ANXA7: variants seen among roughly 807,000 people sequenced by gnomAD.
ANXA7 encodes the protein annexin A7.
Under a neutral mutation model 64.9 loss-of-function variants are expected in ANXA7, and 55 were observed. The ratio of observed to expected loss-of-function variants is 0.85; its 90% CI spans 0.68 to 1.06. The LOEUF is 1.06. Among genes scored for constraint, ANXA7 ranks in the 50% least tolerant of loss-of-function variants. ANXA7 has a pLI of 0.00. For missense variants in ANXA7, 548 were observed against 582.1 expected (o/e 0.94, Z 0.60); for synonymous variants, 200 against 192.4 (o/e 1.04, Z -0.33).
chr10:73,394,957 T>C (rs1383705899), intron 5 of ANXA7, among the ~76,000 whole-genome samples: 1 of 152,254 alleles, frequency 6.6e-6, no homozygotes, highest in Non-Finnish European at 1.5e-5. Context: ...AAATGATTTC[T>C]CTAAAATTAT....
At chr10:73,399,211 G>A (rs959258850) in intron 2 of ANXA7, among the ~76,000 whole-genome samples, 4 of 152,032 alleles carry the variant, frequency 2.6e-5, no homozygotes, top group African/African-American at 9.7e-5. Context: ...ACAAAGCCTC[G>A]TCCCACCCAC....
At chr10:73,379,837 T>A in intron 11 of ANXA7, 42 bp downstream of exon 11, 1 of 1,558,016 alleles carries the variant, frequency 6.4e-7, no homozygotes, top group Non-Finnish European at 8.8e-7. Context: ...AAGCTCCCAC[T>A]CATTTAAAAA....
intron 2 of ANXA7, among the ~76,000 whole-genome samples, chr10:73,399,994 T>C (rs1308839570): frequency 4.6e-5 from 7 of 150,870 alleles, no homozygotes; most frequent in East Asian, 1.9e-4. Context: ...ATACAAAAAA[T>C]CAGCCAGGCA....
At chr10:73,387,559 T>C in intron 7 of ANXA7, 130 bp downstream of exon 7, 3 of 715,918 alleles carry the variant, frequency 4.2e-6, no homozygotes, top group East Asian at 2.7e-5. Flanking sequence ...TACAGTACCC[T>C]TGAGGTCTCT....
At position 73,398,177 on chromosome 10, in the gene ANXA7, T is replaced by A; in HGVS notation, c.259+4A>T. 1 of 1,606,526 alleles carries A rather than the reference T, an allele frequency of 6.2e-7. No individual in the cohort carries two copies. Among genetic ancestry groups the A allele is most frequent in the Non-Finnish European group, 8.5e-7 (1 of 1,174,870 alleles). The stretch of plus-strand genomic sequence containing the variant: ...CATTACTAATTCCGCAACCCGTAAC[T>A]CACCTCCGGGATAGGATGGAGCTCC... On this transcript the variant is annotated splice_donor_region_variant and intron_variant, in intron 3 of 12. Transcript: ENST00000372921.
At chr10:73,407,142 T>C (rs2055770217) in intron 1 of ANXA7, among the ~76,000 whole-genome samples, 2 of 152,114 alleles carry the variant, frequency 1.3e-5, no homozygotes, top group South Asian at 2.1e-4. Context: ...AGTGGCACAA[T>C]CTCGGGTCAC....
At chr10:73,378,140 C>T (rs1212196367) in intron 12 of ANXA7, among the ~76,000 whole-genome samples, 1 of 151,384 alleles carries the variant, frequency 6.6e-6, no homozygotes, top group Non-Finnish European at 1.5e-5. Flanking sequence ...TTTGGGAGGC[C>T]GAGGCAGGTG....
intron 7 of ANXA7, 127 bp downstream of exon 7, chr10:73,387,562 A>C: frequency 5.5e-6 from 4 of 729,170 alleles, no homozygotes. Flanking sequence ...AGTACCCTTG[A>C]GGTCTCTAAA....
At position 73,378,965 on chromosome 10, in the gene ANXA7, T is replaced by C. The variant is rs1345729898; in HGVS notation, c.1224A>G (p.Lys408=). Residue 408 remains lysine (K), a synonymous_variant, in exon 12 of 13, where the codon AAA becomes AAG. Transcript: ENST00000372921. ...FFAERLYYAM[K]GAGTDDSTLV... ...GGGTGGAGTCATCTGTGCCAGCACC[T>C]TTCATAGCATAGTAGAGCCTCTCAG... 2.5e-6 allele frequency: 4 copies of C among 1,613,560 alleles called. No individual in the cohort carries two copies. Among genetic ancestry groups the C allele is most frequent in the African/African-American group, 1.3e-5 (1 of 74,910 alleles).
chr10:73,398,321 G>A lies in ANXA7; in HGVS notation c.119C>T (p.Pro40Leu). 2 of 1,614,108 alleles carry A rather than the reference G, an allele frequency of 1.2e-6. No individual in the cohort carries two copies. The highest frequency in any genetic ancestry group is 2.2e-5 in the East Asian group (1 of 44,878). The change falls in exon 3 of 13, where the codon CCA (proline) becomes CTA (leucine). Residue 40 changes from proline (P) to leucine (L), a missense_variant. Physicochemically the swap from Pro to Leu is moderately conservative, Grantham distance 98 (BLOSUM62 -3). Coordinates refer to ENST00000372921, the MANE Select transcript of ANXA7 (RefSeq NM_001156.5). ...GQYPYPSGFP[P>L]MGGGAYPQVP... ...TTGTGGGTAGGCACCTCCTCCCATT[G>A]GAGGAAAGCCACTAGGATAAGGATA...
intron 6 of ANXA7, 75 bp downstream of exon 6, chr10:73,388,237 T>A: frequency 9.0e-7 from 1 of 1,108,530 alleles, no homozygotes. Flanking sequence ...CTTGGGTTTA[T>A]GAGATAAGGT....
In ANXA7 at chr10:73,376,141, G is replaced by A. The variant is rs150742908; in HGVS notation, c.1355C>T (p.Thr452Met). 7.3e-4 allele frequency: 1,170 copies of A among 1,603,844 alleles called. No individual in the cohort carries two copies. Among genetic ancestry groups the A allele is most frequent in the Non-Finnish European group, 8.9e-4 (1,047 of 1,175,526 alleles). The change falls in exon 13 of 13, where the codon ACG (threonine) becomes ATG (methionine). Residue 452 changes from threonine to methionine, a missense_variant. Physicochemically the swap from Thr to Met is moderately conservative, Grantham distance 81. Transcript: ENST00000372921. The stretch of plus-strand genomic sequence containing the variant: ...AAGAAGTCTTCGGTAATCTCCACTC[G>A]TGTCACCTGCAATCATTGTGCCCAG... ...KTLGTMIAGD[T>M]SGDYRRLLLA...
chr10:73,383,144 A>G lies in ANXA7; in HGVS notation c.918+31T>C, dbSNP rs540531973. 25 of 1,559,598 alleles carry G rather than the reference A, an allele frequency of 1.6e-5. No individual in the cohort carries two copies. The East Asian group carries it at 3.2e-4, about 20-fold the overall frequency. On this transcript the variant is annotated intron_variant, in intron 9 of 12. Coordinates refer to ENST00000372921, the MANE Select transcript of ANXA7 (RefSeq NM_001156.5). ...AAGGCTTTTAAAGTATGTTCCCTCTATCAACGCACAAGCATTCATACTATA... is the reference window on the plus strand; with the variant it reads ...AAGGCTTTTAAAGTATGTTCCCTCTGTCAACGCACAAGCATTCATACTATA...
chr10:73,404,821 G>A (rs1024631838), intron 1 of ANXA7, among the ~76,000 whole-genome samples: 6 of 151,972 alleles, frequency 3.9e-5, no homozygotes. Context: ...CTCTTAGCCT[G>A]ATCAAATCTA....
At chr10:73,379,521 T>C (rs1383861246) in intron 11 of ANXA7, among the ~76,000 whole-genome samples, 1 of 152,178 alleles carries the variant, frequency 6.6e-6, no homozygotes, top group Non-Finnish European at 1.5e-5. Context: ...TGCTTCGTGG[T>C]GACACTGTGA....
intron 1 of ANXA7, among the ~76,000 whole-genome samples, chr10:73,405,052 G>A (rs990883828): frequency 2.6e-5 from 4 of 151,902 alleles, no homozygotes; most frequent in African/African-American, 7.3e-5. Flanking sequence ...GGCCATCCAC[G>A]CTAACACAAT....
At chr10:73,398,470 A>G in intron 2 of ANXA7, 85 bp from the exon 3 acceptor site, 5 of 1,219,800 alleles carry the variant, frequency 4.1e-6, no homozygotes, top group Non-Finnish European at 5.7e-6. Context: ...AGAGGTTATT[A>G]TTAAGGTCTA....
chr10:73,388,601 G>A (rs1436969536), intron 5 of ANXA7, among the ~76,000 whole-genome samples, 187 bp from the exon 6 acceptor site: 2 of 152,064 alleles, frequency 1.3e-5, no homozygotes, highest in African/African-American at 2.4e-5. Context: ...CCCCCTTCAG[G>A]ACAGATTTTT....
chr10:73,380,298 T>A, intron 9 of ANXA7, 97 bp from the exon 10 acceptor site: 1 of 1,263,938 alleles, frequency 7.9e-7, no homozygotes, highest in East Asian at 2.4e-5. Context: ...AAAGAGACTA[T>A]TTCTTTTTTT....
Sources: allele counts gnomAD v4.1 joint callset (sites outside exome capture counted in the v4.1 genomes callset), GRCh38; gene constraint gnomAD v4.1.1; transcripts MANE v1.5; gene names NCBI Gene and HGNC (gene_info 2026-07-23, HGNC 2026-07-21).